Variants in CAMK1D observed in about 807,000 individuals in gnomAD.
CAMK1D encodes the protein calcium/calmodulin-dependent protein kinase type 1D.
A neutral mutation model predicts 47.7 loss-of-function variants in CAMK1D; 9 were observed. The ratio of observed to expected loss-of-function variants is 0.19; its 90% CI spans 0.11 to 0.33. CAMK1D has a LOEUF of 0.33. Ranked by LOEUF, CAMK1D falls within the 10% of genes least tolerant of loss-of-function variation. CAMK1D has a pLI of 1.00. For synonymous variants in CAMK1D, 184 were observed against 184.9 expected, an observed-to-expected ratio of 0.99 and a Z score of 0.04; for missense variants, 291 against 488.7, an observed-to-expected ratio of 0.60 and a Z score of 3.81.
intron 1 of CAMK1D, among the ~76,000 whole-genome samples, chr10:12,493,455 T>C (rs1834448465): frequency 6.6e-6 from 1 of 152,150 alleles, no homozygotes. Flanking sequence ...CACAAGAAAA[T>C]GCATGTATAC....
At chr10:12,650,495 C>G (rs184850854) in intron 2 of CAMK1D, among the ~76,000 whole-genome samples, 1 of 152,344 alleles carries the variant, frequency 6.6e-6, no homozygotes, top group Non-Finnish European at 1.5e-5. Context: ...TAGCCTCATG[C>G]CTGGCACTCC....
chr10:12,582,729 G>A (rs1837698475), intron 2 of CAMK1D, among the ~76,000 whole-genome samples: 1 of 152,184 alleles, frequency 6.6e-6, no homozygotes, highest in Non-Finnish European at 1.5e-5. Context: ...TTTGTATCCT[G>A]AAACTTTGCT....
Position 12,735,234 on chromosome 10 carries a change from T to C in CAMK1D, c.300-25714T>C, listed in dbSNP as rs1218738752. On this transcript the variant is annotated intron_variant, in intron 3 of 10. Coordinates refer to ENST00000619168, the MANE Select transcript of CAMK1D (RefSeq NM_153498.4). ...GCTCACGCCTGTAGTCCCAGCACTT[T>C]GGGAGGCCGAGGCGGGCGGATCACG... Among the ~76,000 whole-genome samples the C allele has an allele frequency of 2.6e-5, 4 of 152,146 alleles. No individual in the cohort carries two copies. In the South Asian group the frequency reaches 8.3e-4, roughly 31 times the overall value.
intron 3 of CAMK1D, among the ~76,000 whole-genome samples, chr10:12,703,741 C>T (rs910741631): frequency 1.2e-4 from 18 of 151,970 alleles, no homozygotes; most frequent in Admixed American, 3.9e-4. Flanking sequence ...TGGTGGCATG[C>T]GCCTGTAGTC....
chr10:12,813,727 C>T (rs964885695), intron 6 of CAMK1D, among the ~76,000 whole-genome samples: 1 of 152,054 alleles, frequency 6.6e-6, no homozygotes, highest in Admixed American at 6.6e-5. Flanking sequence ...ATATTTGCAA[C>T]ACACGCGGTA....
intron 1 of CAMK1D, among the ~76,000 whole-genome samples, chr10:12,387,895 A>G (rs1028705727): frequency 6.6e-6 from 1 of 151,842 alleles, no homozygotes; most frequent in Non-Finnish European, 1.5e-5. Flanking sequence ...ACTGGGCTCA[A>G]AAATTTCCCT....
chr10:12,682,170 A>C (rs974295693), intron 3 of CAMK1D, among the ~76,000 whole-genome samples: 2 of 152,244 alleles, frequency 1.3e-5, no homozygotes, highest in African/African-American at 2.4e-5. Flanking sequence ...CAGTGAGCCG[A>C]GATCGCGTCA....
chr10:12,683,378 A>G (rs1003984834), intron 3 of CAMK1D, among the ~76,000 whole-genome samples: 7 of 152,094 alleles, frequency 4.6e-5, no homozygotes, highest in Non-Finnish European at 2.9e-5. Flanking sequence ...AAGCCACTGC[A>G]CCTGGCCATA....
chr10:12,482,153 T>C (rs1354277053), intron 1 of CAMK1D, among the ~76,000 whole-genome samples: 4 of 152,198 alleles, frequency 2.6e-5, no homozygotes, highest in Non-Finnish European at 5.9e-5. Context: ...TTTAATCCTC[T>C]TAGCTTGTCT....
intron 1 of CAMK1D, among the ~76,000 whole-genome samples, chr10:12,498,650 A>T (rs1834611011): frequency 6.6e-6 from 1 of 152,284 alleles, no homozygotes; most frequent in East Asian, 1.9e-4. Context: ...AAGAGTGGAG[A>T]TGAAACTGAA....
At chr10:12,603,942 C>G (rs7902334) in intron 2 of CAMK1D, among the ~76,000 whole-genome samples, 1 of 152,084 alleles carries the variant, frequency 6.6e-6, no homozygotes, top group South Asian at 2.1e-4. Context: ...GTTTGCAGCA[C>G]CTGCCTAAGC....
intron 1 of CAMK1D, among the ~76,000 whole-genome samples, chr10:12,513,512 C>T (rs1077273): frequency 0.08 from 12,230 of 151,994 alleles, 550 homozygotes; most frequent in East Asian, 0.17. Flanking sequence ...TTAGGCCGGG[C>T]GTGGTGATTC....
At chr10:12,507,692 A>G (rs60816066) in intron 1 of CAMK1D, among the ~76,000 whole-genome samples, 2,742 of 152,100 alleles carry the variant, frequency 0.018, 58 homozygotes, top group East Asian at 0.074. Flanking sequence ...GCGTTTCTTG[A>G]AAACCACCAG....
At chr10:12,377,056 C>T (rs759957554) in intron 1 of CAMK1D, among the ~76,000 whole-genome samples, 16 of 152,190 alleles carry the variant, frequency 1.1e-4, no homozygotes, top group South Asian at 2.1e-4. Context: ...CCACCGCACC[C>T]GGCCTTATTT....
intron 1 of CAMK1D, among the ~76,000 whole-genome samples, chr10:12,471,905 C>T (rs937123047): frequency 6.6e-6 from 1 of 151,662 alleles, no homozygotes; most frequent in Non-Finnish European, 1.5e-5. Flanking sequence ...CTTGGTGGTG[C>T]GTACCTGTTG....
intron 10 of CAMK1D, among the ~76,000 whole-genome samples, chr10:12,827,313 T>C (rs1359855627): frequency 5.7e-5 from 7 of 122,246 alleles, no homozygotes; most frequent in Admixed American, 9.1e-5. Context: ...CTCTTTTTCT[T>C]TTCTTTCTTT....
chr10:12,835,254 A>G lies in CAMK1D; in HGVS notation c.*6367A>G, dbSNP rs745431424. 1.3e-5 allele frequency: 2 copies of G among 152,068 alleles called. No homozygotes were observed. Among genetic ancestry groups the G allele is most frequent in the African/African-American group, 2.4e-5 (1 of 41,394 alleles). The allele number at this position is 152,068 out of a possible 1,614,324, so 9.4% of individuals were successfully genotyped here. The stretch of plus-strand genomic sequence containing the variant: ...CTTCCCAAAAAATTACAACATCAAA[A>G]CCAGGAATGTCCCCGCATCTACTAT... On this transcript the variant is annotated 3_prime_UTR_variant, in exon 11 of 11. Coordinates refer to ENST00000619168, the MANE Select transcript of CAMK1D (RefSeq NM_153498.4).
chr10:12,648,619 C>T (rs1030355601), intron 2 of CAMK1D, among the ~76,000 whole-genome samples: 5 of 152,084 alleles, frequency 3.3e-5, no homozygotes, highest in South Asian at 2.1e-4. Flanking sequence ...TACAGGCATG[C>T]GCCACCATGC....
intron 2 of CAMK1D, among the ~76,000 whole-genome samples, chr10:12,556,634 A>G (rs1836769962): frequency 6.6e-6 from 1 of 152,144 alleles, no homozygotes. Flanking sequence ...GGAACTCTCC[A>G]GGGCAAAGGG....
Sources: gnomAD v4.1 joint callset for allele counts (sites outside exome capture counted in the v4.1 genomes callset) on GRCh38, gnomAD v4.1.1 for gene constraint, MANE v1.5 for transcripts, NCBI Gene and HGNC (gene_info 2026-07-23, HGNC 2026-07-21) for gene names.